The following SLC8A1 variants were observed in gnomAD, a reference collection of about 807,000 sequenced individuals.
SLC8A1 encodes the protein sodium/calcium exchanger 1.
A neutral mutation model predicts 68.3 loss-of-function variants in SLC8A1; 18 were observed. That is an observed-to-expected ratio of 0.26 (90% CI 0.18 to 0.39). SLC8A1 has a LOEUF of 0.39. Among genes scored for constraint, SLC8A1 ranks in the 10% least tolerant of loss-of-function variants. The pLI, the probability that SLC8A1 is intolerant of heterozygous loss-of-function variation, is 1.00. For missense variants in SLC8A1, 985 were observed against 1,156.7 expected, an observed-to-expected ratio of 0.85 and a Z score of 2.15; for synonymous variants, 475 against 415.5, an observed-to-expected ratio of 1.14 and a Z score of -1.74.
intron 2 of SLC8A1, chr2:40,251,854 C>G (rs1386945504): frequency 6.6e-6 from 1 of 152,104 alleles, no homozygotes; most frequent in Non-Finnish European, 1.5e-5. Flanking sequence ...GCAATTATTT[C>G]TCCTTCAATA....
At chr2:40,484,739 C>T (rs1009886285) in intron 1 of SLC8A1, among the ~76,000 whole-genome samples, 1 of 152,200 alleles carries the variant, frequency 6.6e-6, no homozygotes, top group African/African-American at 2.4e-5. Context: ...TGAGCAACTG[C>T]AGGCACATTC....
chr2:40,205,998 G>C (rs2055367641), intron 2 of SLC8A1, among the ~76,000 whole-genome samples: 1 of 151,604 alleles, frequency 6.6e-6, no homozygotes, highest in African/African-American at 2.4e-5. Context: ...TTCTCATTGG[G>C]GCATGAAAAT....
At chr2:40,145,573 C>A (rs1427115851) in intron 6 of SLC8A1, among the ~76,000 whole-genome samples, 2 of 152,208 alleles carry the variant, frequency 1.3e-5, no homozygotes, top group African/African-American at 2.4e-5. Flanking sequence ...AATTACAAAT[C>A]AAATTCTACT....
At chr2:40,269,814 A>G (rs541040904) in intron 2 of SLC8A1, among the ~76,000 whole-genome samples, 1 of 151,610 alleles carries the variant, frequency 6.6e-6, no homozygotes, top group African/African-American at 2.4e-5. Context: ...TTATTATTAT[A>G]CTTTAAGTTT....
intron 1 of SLC8A1, among the ~76,000 whole-genome samples, chr2:40,500,591 T>C (rs1440627878): frequency 6.6e-6 from 1 of 152,064 alleles, no homozygotes; most frequent in Admixed American, 6.6e-5. Context: ...GCAGCCATTA[T>C]TTGAACTAAG....
At chr2:40,165,663 G>A (rs2046426651) in intron 4 of SLC8A1, among the ~76,000 whole-genome samples, 1 of 152,192 alleles carries the variant, frequency 6.6e-6, no homozygotes, top group African/African-American at 2.4e-5. Flanking sequence ...GGGCGAGGGT[G>A]AGGCCTTTCG....
At chr2:40,175,326 A>G (rs1558626671) in intron 3 of SLC8A1, 45 bp from the exon 4 acceptor site, 1 of 1,585,656 alleles carries the variant, frequency 6.3e-7, no homozygotes, top group Non-Finnish European at 8.7e-7. Context: ...AAGAGACCAG[A>G]TGAATAATGA....
intron 2 of SLC8A1, among the ~76,000 whole-genome samples, chr2:40,266,503 G>A (rs2065369430): frequency 6.6e-6 from 1 of 152,184 alleles, no homozygotes; most frequent in South Asian, 2.1e-4. Flanking sequence ...CCATTGGAAT[G>A]AGCTCTGCCC....
At chr2:40,215,689 T>G in intron 2 of SLC8A1, among the ~76,000 whole-genome samples, 1 of 148,316 alleles carries the variant, frequency 6.7e-6, no homozygotes. Flanking sequence ...AAAGACAAGG[T>G]CTTGCTTTGT....
At chr2:40,267,627 T>A (rs1042687893) in intron 2 of SLC8A1, among the ~76,000 whole-genome samples, 3 of 152,194 alleles carry the variant, frequency 2.0e-5, no homozygotes, top group Admixed American at 1.3e-4. Context: ...ATTTGTGGAA[T>A]GAATGAATGA....
intron 2 of SLC8A1, among the ~76,000 whole-genome samples, chr2:40,388,718 G>A (rs1002640863): frequency 3.9e-5 from 6 of 152,092 alleles, no homozygotes; most frequent in Non-Finnish European, 8.8e-5. Context: ...AGTGAACAAT[G>A]CTCTTTTGGT....
chr2:40,132,497 C>T (rs190278295), intron 7 of SLC8A1, among the ~76,000 whole-genome samples: 6 of 152,012 alleles, frequency 3.9e-5, no homozygotes, highest in Admixed American at 3.3e-4. Context: ...ATACAACCTG[C>T]ACAACCATAC....
intron 2 of SLC8A1, among the ~76,000 whole-genome samples, chr2:40,391,083 T>C (rs987224842): frequency 4.0e-5 from 6 of 151,682 alleles, no homozygotes; most frequent in Admixed American, 4.0e-4. Flanking sequence ...TTGAAAAATA[T>C]TGCTCTTAAA....
intron 2 of SLC8A1, among the ~76,000 whole-genome samples, chr2:40,295,192 T>C (rs2070129750): frequency 6.6e-6 from 1 of 152,084 alleles, no homozygotes; most frequent in African/African-American, 2.4e-5. Context: ...CTCAAACTCT[T>C]GGGCTCAAGT....
At chr2:40,247,204 A>G (rs2061999836) in intron 2 of SLC8A1, among the ~76,000 whole-genome samples, 1 of 152,180 alleles carries the variant, frequency 6.6e-6, no homozygotes, top group African/African-American at 2.4e-5. Flanking sequence ...ACCACAGGGC[A>G]TTAGCTTTCT....
intron 5 of SLC8A1, among the ~76,000 whole-genome samples, chr2:40,161,502 G>C (rs558258704): frequency 6.6e-6 from 1 of 152,134 alleles, no homozygotes; most frequent in Admixed American, 6.6e-5. Flanking sequence ...TTTAGGGCAC[G>C]TTGCAGTTTA....
rs70957143 is a variant in SLC8A1 at position 40,107,279 on chromosome 2, C to CAAAAAAAAAAAAAAAAAAA, written c.*7955_*7973dup. On this transcript the variant is annotated 3_prime_UTR_variant, in exon 8 of 8. Coordinates refer to ENST00000406785, the Ensembl canonical transcript of SLC8A1. ...TGGGCGACAGAGCGAGACTCCGTCT[C>CAAAAAAAAAAAAAAAAAAA]AAAAAAAAAAAAAAAAAAAAGAAAA... is the stretch of plus-strand genomic sequence containing the variant. 63 of 64,898 alleles carry CAAAAAAAAAAAAAAAAAAA rather than the reference C, an allele frequency of 9.7e-4. 4 individuals are homozygous for CAAAAAAAAAAAAAAAAAAA. Among genetic ancestry groups the CAAAAAAAAAAAAAAAAAAA allele is most frequent in the African/African-American group, 1.9e-3 (31 of 16,120 alleles). The allele number at this position is 64,898 out of a possible 1,614,324, so 4.0% of individuals were successfully genotyped here. A position where few individuals can be genotyped will look rare whatever the true frequency, so the allele number is the denominator to read the frequency against.
intron 7 of SLC8A1, among the ~76,000 whole-genome samples, chr2:40,130,608 T>C (rs1345405254): frequency 1.3e-5 from 2 of 152,260 alleles, no homozygotes; most frequent in Non-Finnish European, 2.9e-5. Context: ...AAGAAACGTG[T>C]TGCTTATTAG....
At chr2:40,172,768 T>G (rs904180183) in intron 4 of SLC8A1, among the ~76,000 whole-genome samples, 1 of 151,904 alleles carries the variant, frequency 6.6e-6, no homozygotes, top group Admixed American at 6.6e-5. Flanking sequence ...TGGTGAAACC[T>G]TGTCTCTACT....
Sources: allele counts gnomAD v4.1 joint callset (sites outside exome capture counted in the v4.1 genomes callset), GRCh38; gene constraint gnomAD v4.1.1; transcripts MANE v1.5; gene names NCBI Gene and HGNC (gene_info 2026-07-23, HGNC 2026-07-21).